Variants in TENM2 observed in about 807,000 individuals in gnomAD.
TENM2 encodes the protein teneurin-2.
TENM2 carries 52 observed loss-of-function variants against 245.2 expected under a neutral mutation model. The ratio of observed to expected loss-of-function variants is 0.21; its 90% CI spans 0.17 to 0.27. TENM2 has a LOEUF of 0.27. Ranked by LOEUF, TENM2 falls within the 10% of genes least tolerant of loss-of-function variation. The pLI, the probability that TENM2 is intolerant of heterozygous loss-of-function variation, is 1.00. For missense variants in TENM2, 3,046 were observed against 3,666.8 expected (o/e 0.83, Z 4.37); for synonymous variants, 1,363 against 1,438.9 (o/e 0.95, Z 1.19).
intron 1 of TENM2, among the ~76,000 whole-genome samples, chr5:167,285,662 G>A (rs774742162): frequency 2.6e-5 from 4 of 152,068 alleles, no homozygotes; most frequent in Non-Finnish European, 5.9e-5. Flanking sequence ...ACTTCTCCAG[G>A]GTTGCTGTAA....
At chr5:167,711,034 C>G (rs780882098) in intron 2 of TENM2, among the ~76,000 whole-genome samples, 1 of 152,070 alleles carries the variant, frequency 6.6e-6, no homozygotes, top group Non-Finnish European at 1.5e-5. Flanking sequence ...TTACTGAATC[C>G]CCAGAGGCCT....
At chr5:167,017,769 G>A in the TENM2 span, among the ~76,000 whole-genome samples, 1 of 152,076 alleles carries the variant, frequency 6.6e-6, no homozygotes, top group Non-Finnish European at 1.5e-5. Flanking sequence ...TTTTTAATAT[G>A]AATGCATATA....
chr5:167,562,784 C>T (rs557159743), intron 2 of TENM2, among the ~76,000 whole-genome samples: 1 of 152,046 alleles, frequency 6.6e-6, no homozygotes, highest in East Asian at 1.9e-4. Context: ...CGGTGAAACC[C>T]TGTCTCTACC....
chr5:167,438,474 C>T (rs1764695379), intron 2 of TENM2, among the ~76,000 whole-genome samples: 1 of 152,164 alleles, frequency 6.6e-6, no homozygotes, highest in Non-Finnish European at 1.5e-5. Flanking sequence ...TCACTGCAAG[C>T]TCTGCCTCCT....
chr5:168,213,662 CAA>C (rs35806150), intron 20 of TENM2, among the ~76,000 whole-genome samples: 16 of 136,338 alleles, frequency 1.2e-4, no homozygotes, highest in Admixed American at 1.5e-4. Context: ...CCATCTCTAC[CAA>C]AAAAAAAAAA....
chr5:167,335,690 G>A (rs983966767), intron 1 of TENM2, among the ~76,000 whole-genome samples: 5 of 151,944 alleles, frequency 3.3e-5, no homozygotes, highest in African/African-American at 1.2e-4. Flanking sequence ...CAAATCCTTA[G>A]AGGTTCAGCC....
chr5:167,891,294 G>C (rs1191485127), intron 3 of TENM2, among the ~76,000 whole-genome samples: 1 of 151,958 alleles, frequency 6.6e-6, no homozygotes, highest in Non-Finnish European at 1.5e-5. Context: ...TTCTTTGTTT[G>C]AGACAGAGTC....
chr5:167,191,884 C>A, the TENM2 span, among the ~76,000 whole-genome samples: 1 of 152,062 alleles, frequency 6.6e-6, no homozygotes, highest in African/African-American at 2.4e-5. Context: ...CTCACTTTTT[C>A]ACACAGAAAT....
intron 2 of TENM2, among the ~76,000 whole-genome samples, chr5:167,722,426 G>C (rs1369067732): frequency 6.6e-6 from 1 of 152,110 alleles, no homozygotes; most frequent in African/African-American, 2.4e-5. Flanking sequence ...ATAGATATAG[G>C]TAGAGATACA....
chr5:167,157,179 C>CAA, the TENM2 span, among the ~76,000 whole-genome samples: 1 of 152,144 alleles, frequency 6.6e-6, no homozygotes, highest in African/African-American at 2.4e-5. Flanking sequence ...CTACCTTGTA[C>CAA]AAAGAATGCC....
chr5:167,420,357 C>T (rs914304996), intron 2 of TENM2, among the ~76,000 whole-genome samples: 1 of 152,122 alleles, frequency 6.6e-6, no homozygotes, highest in Non-Finnish European at 1.5e-5. Flanking sequence ...GGTGGCCTCT[C>T]TACTGTACTG....
At chr5:167,531,756 T>C (rs1436454523) in intron 2 of TENM2, among the ~76,000 whole-genome samples, 2 of 152,146 alleles carry the variant, frequency 1.3e-5, no homozygotes, top group Non-Finnish European at 2.9e-5. Context: ...ATTTCACTTA[T>C]TAATAAATAA....
intron 2 of TENM2, among the ~76,000 whole-genome samples, chr5:167,547,317 C>T (rs1045990689): frequency 2.6e-5 from 4 of 152,106 alleles, no homozygotes; most frequent in South Asian, 4.1e-4. Flanking sequence ...ATGATCCACC[C>T]GCCTCAGCAC....
chr5:167,041,254 A>T, the TENM2 span, among the ~76,000 whole-genome samples: 1 of 152,242 alleles, frequency 6.6e-6, no homozygotes. Flanking sequence ...AGGTATAGAA[A>T]TAATACCTAA....
chr5:167,829,963 A>G (rs1413443990), intron 2 of TENM2, among the ~76,000 whole-genome samples: 1 of 152,196 alleles, frequency 6.6e-6, no homozygotes, highest in Non-Finnish European at 1.5e-5. Flanking sequence ...TGGAGAGGCA[A>G]TCAAGATGGT....
chr5:167,406,908 C>G (rs1460940394), intron 2 of TENM2, among the ~76,000 whole-genome samples: 2 of 152,102 alleles, frequency 1.3e-5, no homozygotes, highest in African/African-American at 4.8e-5. Flanking sequence ...TGGTAATAGA[C>G]AGAATGCTGC....
At chr5:167,237,187 C>G in the TENM2 span, among the ~76,000 whole-genome samples, 5 of 152,288 alleles carry the variant, frequency 3.3e-5, no homozygotes, top group Non-Finnish European at 7.3e-5. Flanking sequence ...CCTGGAGAAA[C>G]CAGTTCGTCT....
At chr5:167,015,237 C>A in the TENM2 span, among the ~76,000 whole-genome samples, 4 of 152,066 alleles carry the variant, frequency 2.6e-5, no homozygotes, top group African/African-American at 9.7e-5. Flanking sequence ...AAACAGATTT[C>A]TTTTTCTTCA....
rs1554168366 is a variant in TENM2 at position 167,515,637 on chromosome 5, A to ACGTATATATG, written c.502+140164_502+140165insCGTATATATG. 1.9e-4 allele frequency among the ~76,000 whole-genome samples: 26 copies of ACGTATATATG among 139,762 alleles called. No individual in the cohort carries two copies. The South Asian group carries it at 4.4e-3, about 24-fold the overall frequency. 91.7% of individuals were successfully genotyped at this position (139,762 alleles called of 152,430 possible). A position where few individuals can be genotyped will look rare whatever the true frequency, so the allele number is the denominator to read the frequency against. Reference sequence around the variant, plus strand: ...TATATATACATATATATACATATATATGTATATATATACACATATATACGT... The same window carrying ACGTATATATG: ...TATATATACATATATATACATATATACGTATATATGTGTATATATATACACATATATACGT... On this transcript the variant is annotated intron_variant, in intron 2 of 28. Coordinates refer to ENST00000518659, the Ensembl canonical transcript of TENM2.
Sources: gnomAD v4.1 joint callset for allele counts (sites outside exome capture counted in the v4.1 genomes callset) on GRCh38, gnomAD v4.1.1 for gene constraint, MANE v1.5 for transcripts, NCBI Gene and HGNC (gene_info 2026-07-23, HGNC 2026-07-21) for gene names.